The following TANC2 variants were observed in gnomAD, a reference collection of about 807,000 sequenced individuals.
TANC2 encodes protein TANC2.
Under a neutral mutation model 210.5 loss-of-function variants are expected in TANC2, and 26 were observed. The observed-to-expected ratio is 0.12, with a 90% CI of 0.09 to 0.17. The LOEUF is 0.17. Ranked by LOEUF, TANC2 falls within the 10% of genes least tolerant of loss-of-function variation. The pLI, the probability that TANC2 is intolerant of heterozygous loss-of-function variation, is 1.00. For synonymous variants in TANC2, 931 were observed against 967.1 expected (o/e 0.96, Z 0.69); for missense variants, 2,129 against 2,608.9 (o/e 0.82, Z 4.01).
intron 6 of TANC2, among the ~76,000 whole-genome samples, chr17:63,194,714 A>AT (rs1199951754): frequency 6.6e-6 from 1 of 151,952 alleles, no homozygotes; most frequent in Non-Finnish European, 1.5e-5. Context: ...ATATTTTCTC[A>AT]TTTTTTTGTG....
intron 2 of TANC2, among the ~76,000 whole-genome samples, chr17:63,037,146 T>C (rs1362375254): frequency 6.6e-6 from 1 of 152,180 alleles, no homozygotes; most frequent in African/African-American, 2.4e-5. Context: ...TTCATCCTTC[T>C]TGATGTGATC....
intron 7 of TANC2, among the ~76,000 whole-genome samples, chr17:63,204,688 A>G (rs192321267): frequency 1.2e-4 from 19 of 152,328 alleles, no homozygotes; most frequent in East Asian, 9.6e-4. Context: ...AAAGGACTCT[A>G]AATAGCCAAA....
At chr17:63,167,283 A>C (rs921340659) in intron 5 of TANC2, among the ~76,000 whole-genome samples, 1 of 152,222 alleles carries the variant, frequency 6.6e-6, no homozygotes, top group South Asian at 2.1e-4. Flanking sequence ...CTAAGTAAGT[A>C]AAGGGCTTAG....
intron 9 of TANC2, among the ~76,000 whole-genome samples, chr17:63,283,626 A>C (rs2044131421): frequency 6.6e-6 from 1 of 152,020 alleles, no homozygotes; most frequent in South Asian, 2.1e-4. Context: ...CCTATATAGT[A>C]TATCTCTGCA....
chr17:63,420,052 A>C lies in TANC2; in HGVS notation c.4322A>C (p.Asn1441Thr). 1 of 1,552,174 alleles carries C rather than the reference A, an allele frequency of 6.4e-7. No homozygotes were observed. The highest frequency in any genetic ancestry group is 8.7e-7 in the Non-Finnish European group (1 of 1,147,072). The change falls in exon 28 of 28, where the codon AAC becomes ACC. Residue 1441 changes from asparagine (N) to threonine (T), a missense_variant. Physicochemically the swap from Asn to Thr is moderately conservative, Grantham distance 65. Around this residue, in one of 5 missense-constraint regions of TANC2, gnomAD observed 584 missense variants for 627.3 expected, o/e 0.93. Coordinates refer to ENST00000689528, the Ensembl canonical transcript of TANC2. This position sits in a 1 kb window ranked among gnomAD's most constrained non-coding sequence, Gnocchi z 4.2. ...AACGAGGCCATCAAGCTGTGTCCCA[A>C]CAACCGTGAGATCCAGAGACTTCTG...
chr17:63,388,751 T>C, exon 16 of TANC2: 1 of 1,529,800 alleles, frequency 6.5e-7, no homozygotes, highest in Middle Eastern at 1.7e-4. Flanking sequence ...ACACTCCAAA[T>C]ATAAAGGTAA....
At chr17:63,195,801 A>G (rs2041326270) in intron 6 of TANC2, among the ~76,000 whole-genome samples, 1 of 152,100 alleles carries the variant, frequency 6.6e-6, no homozygotes, top group African/African-American at 2.4e-5. Flanking sequence ...TTCCCATCAT[A>G]CTTAAAATAA....
intron 8 of TANC2, among the ~76,000 whole-genome samples, chr17:63,247,141 G>C (rs1343687927): frequency 6.6e-6 from 1 of 151,910 alleles, no homozygotes; most frequent in African/African-American, 2.4e-5. Flanking sequence ...TATTTTCTTT[G>C]GATTTGTACG....
At chr17:63,085,762 C>A (rs1362610023) in intron 3 of TANC2, among the ~76,000 whole-genome samples, 2 of 151,940 alleles carry the variant, frequency 1.3e-5, no homozygotes, top group Non-Finnish European at 2.9e-5. Context: ...TATATTGTTG[C>A]TATTATTATT....
chr17:63,296,579 G>A (rs1221294576), intron 9 of TANC2, among the ~76,000 whole-genome samples: 2 of 152,182 alleles, frequency 1.3e-5, no homozygotes, highest in Non-Finnish European at 2.9e-5. Flanking sequence ...AGCCATCCCT[G>A]AGGCAGCTGA....
intron 2 of TANC2, among the ~76,000 whole-genome samples, chr17:63,041,238 C>T (rs1191373732): frequency 2.0e-5 from 3 of 151,978 alleles, no homozygotes; most frequent in East Asian, 1.9e-4. Flanking sequence ...TTGATTTTAT[C>T]GAATAACACA....
At chr17:63,389,584 C>A (rs1220216806) in intron 17 of TANC2, 40 bp downstream of exon 17, 2 of 1,544,540 alleles carry the variant, frequency 1.3e-6, no homozygotes, top group Non-Finnish European at 8.8e-7. Flanking sequence ...TTCCCTTTTT[C>A]TTTATTTTCG....
At chr17:62,987,527 C>G (rs185928034) in intron 1 of TANC2, among the ~76,000 whole-genome samples, 2 of 152,260 alleles carry the variant, frequency 1.3e-5, no homozygotes, top group Non-Finnish European at 2.9e-5. Context: ...TCTCCTGTTG[C>G]AAGGACTGTA....
chr17:63,238,086 T>G lies in TANC2; in HGVS notation c.1033+9T>G. The G allele has an allele frequency of 6.7e-7, 1 of 1,491,510 alleles. No individual in the cohort carries two copies. The highest frequency in any genetic ancestry group is 8.9e-7 in the Non-Finnish European group (1 of 1,119,818). 92.4% of individuals were successfully genotyped at this position (1,491,510 alleles called of 1,614,324 possible). On this transcript the variant is annotated intron_variant, in intron 8 of 27. Transcript: ENST00000689528. ...GCCAAATTCAGTAGCAGGTAAGTTT[T>G]TGTTGTTGTTGTTGTTGTTGCTGTT... is the stretch of plus-strand genomic sequence containing the variant.
chr17:63,104,376 G>A (rs1402021398), intron 4 of TANC2, among the ~76,000 whole-genome samples: 1 of 152,074 alleles, frequency 6.6e-6, no homozygotes, highest in Non-Finnish European at 1.5e-5. Flanking sequence ...TACCCATTAT[G>A]TACATTTGTT....
At chr17:63,338,957 GA>G (rs1749367364) in intron 11 of TANC2, 1 of 152,402 alleles carries the variant, frequency 6.6e-6, no homozygotes, top group South Asian at 2.1e-4. Context: ...ATGACTGGCA[GA>G]TGCCTGATGA....
At chr17:63,114,553 G>A (rs991281614) in intron 4 of TANC2, among the ~76,000 whole-genome samples, 7 of 152,300 alleles carry the variant, frequency 4.6e-5, no homozygotes, top group East Asian at 1.9e-4. Flanking sequence ...ACAACCCCGC[G>A]TAGAAAGTTG....
intron 4 of TANC2, among the ~76,000 whole-genome samples, chr17:63,122,666 A>G (rs1399199473): frequency 6.6e-6 from 1 of 151,864 alleles, no homozygotes. Flanking sequence ...TGGGAGGTAG[A>G]GGTTATAGTG....
intron 2 of TANC2, among the ~76,000 whole-genome samples, chr17:63,029,608 G>C (rs1212219758): frequency 6.6e-6 from 1 of 152,106 alleles, no homozygotes; most frequent in Non-Finnish European, 1.5e-5. Context: ...GTCTTATACT[G>C]TAATGGAAAG....
Sources: gnomAD v4.1 joint callset for allele counts (sites outside exome capture counted in the v4.1 genomes callset) on GRCh38, gnomAD v4.1.1 for gene constraint, gnomAD v4.1.1 regional missense constraint, Gnocchi (gnomAD v3.1) non-coding constraint, MANE v1.5 for transcripts, NCBI Gene and HGNC (gene_info 2026-07-23, HGNC 2026-07-21) for gene names.